The following SORBS2 variants were observed in gnomAD, a reference collection of about 807,000 sequenced individuals.
The protein encoded by SORBS2 is sorbin and SH3 domain containing 2.
SORBS2 carries 46 observed loss-of-function variants against 97.7 expected under a neutral mutation model. The observed-to-expected ratio is 0.47, with a 90% CI of 0.37 to 0.60. The LOEUF is 0.60. SORBS2 is among the 20% of genes least tolerant of loss of function. The probability of loss-of-function intolerance (pLI) is 0.00; values close to 1 mark genes in which losing one functional copy is unlikely to be tolerated. For missense variants in SORBS2, 1,316 were observed against 1,282.3 expected (o/e 1.03, Z -0.40); for synonymous variants, 476 against 473.4 (o/e 1.01, Z -0.07).
At chr4:185,871,545 C>T (rs2099230424) in intron 1 of SORBS2, among the ~76,000 whole-genome samples, 1 of 152,166 alleles carries the variant, frequency 6.6e-6, no homozygotes, top group African/African-American at 2.4e-5. Context: ...AATACAAGAG[C>T]GGAAATGCTA....
chr4:185,607,164 ACCAAGCTTCTCCAATT>A lies in SORBS2; in HGVS notation c.2796+4600_2796+4615del. 7 of 1,121,002 alleles carry A rather than the reference ACCAAGCTTCTCCAATT, an allele frequency of 6.2e-6. No individual in the cohort carries two copies. Among genetic ancestry groups the A allele is most frequent in the Non-Finnish European group, 7.7e-6 (7 of 907,692 alleles). The allele number at this position is 1,121,002 out of a possible 1,614,324, so 69.4% of individuals were successfully genotyped here. A position where few individuals can be genotyped will look rare whatever the true frequency, so the allele number is the denominator to read the frequency against. On this transcript the variant is annotated intron_variant, in intron 12 of 14. Transcript: ENST00000418609. This position sits in a 1 kb window ranked among gnomAD's most constrained non-coding sequence, Gnocchi z 5.2. Reference sequence around the variant, plus strand: ...CTTGGTCAGCTGACAAGGTTAAAGCACCAAGCTTCTCCAATTCACCCAAGAAGTTGTCCAGGAAACG... The same window carrying A: ...CTTGGTCAGCTGACAAGGTTAAAGCACACCCAAGAAGTTGTCCAGGAAACG...
chr4:185,931,534 C>T (rs575290242), intron 1 of SORBS2, among the ~76,000 whole-genome samples: 9 of 152,112 alleles, frequency 5.9e-5, no homozygotes, highest in South Asian at 2.1e-4. Context: ...ACATCAAGGC[C>T]GGGGGTTATT....
In SORBS2 at chr4:185,951,203, C is replaced by A. The variant is rs551996207; in HGVS notation, c.-338+4993G>T. Among the ~76,000 whole-genome samples, 6 of 152,320 alleles carry A rather than the reference C, an allele frequency of 3.9e-5. No individual in the cohort carries two copies. In the South Asian group the frequency reaches 1.2e-3, roughly 32 times the overall value. ...TGTACCATCACGCTACCACTTCAGG[C>A]ACATCAGGGAAAACATACACTTGGC... On this transcript the variant is annotated intron_variant, in intron 1 of 20. Transcript: ENST00000284776.
Position 185,803,953 on chromosome 4 carries a change from A to G in SORBS2, c.-337-28587T>C, listed in dbSNP as rs982027089. On this transcript the variant is annotated intron_variant, in intron 1 of 20. Transcript: ENST00000284776. ...TTTATTATTTTCTTAACTGTCAGACATAACTCATATGTAGTTAAGTTGCTC... is the reference window on the plus strand; with the variant it reads ...TTTATTATTTTCTTAACTGTCAGACGTAACTCATATGTAGTTAAGTTGCTC... Among the ~76,000 whole-genome samples, 3 of 152,236 alleles carry G rather than the reference A, an allele frequency of 2.0e-5. 1 individual carries two copies. The highest frequency in any genetic ancestry group is 4.1e-4 in the South Asian group (2 of 4,836).
At chr4:185,900,739 A>G (rs7693781) in intron 1 of SORBS2, among the ~76,000 whole-genome samples, 110,136 of 151,534 alleles carry the variant, frequency 0.73, 40,042 homozygotes, top group Middle Eastern at 0.85. Context: ...TACTTTGTGT[A>G]TTTGTACGTA....
At chr4:185,654,321 C>A (rs1400096653) in intron 1 of SORBS2, among the ~76,000 whole-genome samples, 1 of 152,184 alleles carries the variant, frequency 6.6e-6, no homozygotes, top group Non-Finnish European at 1.5e-5. Context: ...GGACTGATTT[C>A]TCTTTCATTA....
At chr4:185,624,261 C>G (rs761911879) in exon 7 of SORBS2, 6 of 1,614,062 alleles carry the variant, frequency 3.7e-6, no homozygotes, top group Non-Finnish European at 5.1e-6. Flanking sequence ...TTTAGGAGAT[C>G]GTCACAGCTC....
intron 11 of SORBS2, 38 bp downstream of exon 23, chr4:185,614,793 C>T (rs1257902622): frequency 6.2e-7 from 1 of 1,609,354 alleles, no homozygotes; most frequent in South Asian, 1.1e-5. Context: ...GAAGAACAAA[C>T]AAACAAAAAC....
rs147068358 is a variant in SORBS2, at chr4:185,858,650, G to A, written c.-337-83284C>T. Among the ~76,000 whole-genome samples the A allele has an allele frequency of 2.3e-3, 352 of 152,216 alleles. 1 individual carries two copies. The highest frequency in any genetic ancestry group is 3.8e-3 in the Admixed American group (58 of 15,274). On this transcript the variant is annotated intron_variant, in intron 1 of 20. Transcript: ENST00000284776. The stretch of plus-strand genomic sequence containing the variant: ...AGTGGGCCACTAAGGGAGAGACACA[G>A]ACAAGGCTTAAAGAAACCCACATCA...
chr4:185,922,649 T>C (rs2099261440), intron 1 of SORBS2, among the ~76,000 whole-genome samples: 1 of 152,240 alleles, frequency 6.6e-6, no homozygotes, highest in Admixed American at 6.5e-5. Context: ...TTCTCCTTCA[T>C]GAAATTACAG....
chr4:185,880,104 G>A (rs909176457), intron 1 of SORBS2, among the ~76,000 whole-genome samples: 1 of 152,246 alleles, frequency 6.6e-6, no homozygotes, highest in African/African-American at 2.4e-5. Context: ...GACTCCAGAT[G>A]GTTCTGTCTA....
chr4:185,747,541 G>A (rs1361854907), intron 2 of SORBS2, among the ~76,000 whole-genome samples: 1 of 148,396 alleles, frequency 6.7e-6, no homozygotes, highest in Non-Finnish European at 1.5e-5. Flanking sequence ...AAGGCACTTG[G>A]GCCCTGTCTC....
At chr4:185,705,150 A>G (rs1562020365) in intron 2 of SORBS2, among the ~76,000 whole-genome samples, 1 of 152,266 alleles carries the variant, frequency 6.6e-6, no homozygotes, top group Non-Finnish European at 1.5e-5. Context: ...TGTGGATTTT[A>G]TCTTCCTAGT....
In SORBS2 at chr4:185,615,294, T is replaced by C. The variant is rs2096611256; in HGVS notation, c.2352-135A>G. On this transcript the variant is annotated intron_variant, in intron 9 of 14. Coordinates refer to ENST00000418609, the Ensembl canonical transcript of SORBS2. Reference sequence around the variant, plus strand: ...AAAATCCAATTGATATTGAGTCCGATTAGATAAGAATGATCCTTGCAAATT... The same window carrying C: ...AAAATCCAATTGATATTGAGTCCGACTAGATAAGAATGATCCTTGCAAATT... 7.9e-6 allele frequency: 5 copies of C among 636,058 alleles called. No homozygotes were observed. In the South Asian group the frequency reaches 9.4e-5, roughly 12 times the overall value. 39.4% of individuals were successfully genotyped at this position (636,058 alleles called of 1,614,324 possible). A position where few individuals can be genotyped will look rare whatever the true frequency, so the allele number is the denominator to read the frequency against.
intron 2 of SORBS2, among the ~76,000 whole-genome samples, chr4:185,728,895 G>C (rs750748441): frequency 6.6e-6 from 1 of 152,246 alleles, no homozygotes; most frequent in Admixed American, 6.5e-5. Flanking sequence ...CCCTGGAACT[G>C]TGCTGGGTGC....
chr4:185,931,210 G>C (rs1335137516), intron 1 of SORBS2, among the ~76,000 whole-genome samples: 1 of 152,192 alleles, frequency 6.6e-6, no homozygotes, highest in Non-Finnish European at 1.5e-5. Context: ...GGGGGAAAAT[G>C]AGAAGGAAGA....
At chr4:185,935,037 GTT>G (rs1031958029) in intron 1 of SORBS2, among the ~76,000 whole-genome samples, 6 of 152,132 alleles carry the variant, frequency 3.9e-5, no homozygotes, top group Non-Finnish European at 7.3e-5. Context: ...CTGCCTTTCT[GTT>G]CCAAGTCAAA....
intron 4 of SORBS2, among the ~76,000 whole-genome samples, chr4:185,665,382 G>A (rs1215226791): frequency 1.3e-5 from 2 of 152,100 alleles, no homozygotes; most frequent in Non-Finnish European, 2.9e-5. Context: ...ATTAATACTG[G>A]GTTAAAATTT....
intron 1 of SORBS2, among the ~76,000 whole-genome samples, chr4:185,902,617 A>C (rs933056925): frequency 3.3e-5 from 5 of 151,968 alleles, no homozygotes; most frequent in Non-Finnish European, 5.9e-5. Flanking sequence ...AGGATGGGGC[A>C]AAAACTTACA....
Sources: allele counts gnomAD v4.1 joint callset (sites outside exome capture counted in the v4.1 genomes callset), GRCh38; gene constraint gnomAD v4.1.1; non-coding constraint Gnocchi (gnomAD v3.1); transcripts MANE v1.5; gene names NCBI Gene and HGNC (gene_info 2026-07-23, HGNC 2026-07-21).